MINDY4: variants seen among roughly 807,000 people sequenced by gnomAD.
MINDY4 encodes MINDY lysine 48 deubiquitinase 4.
A neutral mutation model predicts 87.0 loss-of-function variants in MINDY4; 68 were observed. The ratio of observed to expected loss-of-function variants is 0.78; its 90% confidence interval spans 0.64 to 0.96. MINDY4 has a LOEUF of 0.96. Ranked by LOEUF, MINDY4 falls within the 40% of genes least tolerant of loss-of-function variation. The pLI is 0.00. For synonymous variants in MINDY4, 379 were observed against 363.2 expected (o/e 1.04, Z -0.50); for missense variants, 919 against 928.2 (o/e 0.99, Z 0.13).
intron 1 of MINDY4, among the ~76,000 whole-genome samples, chr7:30,774,336 C>T (rs1242592204): frequency 6.6e-6 from 1 of 152,152 alleles, no homozygotes; most frequent in Non-Finnish European, 1.5e-5. Flanking sequence ...TTCTCCATAC[C>T]CCTGGTTAGG....
chr7:30,865,763 G>A (rs1373449505), intron 13 of MINDY4, among the ~76,000 whole-genome samples: 1 of 152,202 alleles, frequency 6.6e-6, no homozygotes, highest in Non-Finnish European at 1.5e-5. Flanking sequence ...TACAGGTGTG[G>A]GAACTTTGAG....
intron 1 of MINDY4, among the ~76,000 whole-genome samples, chr7:30,773,558 C>A (rs147225713): frequency 6.6e-6 from 1 of 152,100 alleles, no homozygotes; most frequent in Admixed American, 6.5e-5. Context: ...GGTCTTCCCT[C>A]GGGGGAGTCA....
chr7:30,837,222 C>T (rs1788884264), intron 7 of MINDY4, among the ~76,000 whole-genome samples: 1 of 152,168 alleles, frequency 6.6e-6, no homozygotes, highest in Non-Finnish European at 1.5e-5. Context: ...GCCCCGTGGT[C>T]ACAGGGGACC....
rs541893821 is a variant in MINDY4, at chr7:30,796,437, C to T, written c.1073+4863C>T. On this transcript the variant is annotated intron_variant, in intron 5 of 17. Transcript: ENST00000265299. ...GTCCTGGAGAAAGTGAGTATCTTCC[C>T]AGAATACAGCCTTGAAGTATGATAT... Among the ~76,000 whole-genome samples the T allele has an allele frequency of 6.6e-5, 10 of 152,230 alleles. No individual in the cohort carries two copies. In the South Asian group the frequency reaches 2.1e-3, roughly 32 times the overall value.
chr7:30,883,029 C>G (rs750269237), intron 17 of MINDY4, 36 bp downstream of exon 17: 13 of 1,603,152 alleles, frequency 8.1e-6, no homozygotes, highest in Non-Finnish European at 1.1e-5. Context: ...GAGCCTCACC[C>G]TGAATAGCTT....
At chr7:30,792,112 G>A (rs1584243428) in intron 5 of MINDY4, among the ~76,000 whole-genome samples, 1 of 152,028 alleles carries the variant, frequency 6.6e-6, no homozygotes, top group African/African-American at 2.4e-5. Flanking sequence ...GGCTCCCTTT[G>A]GGCATTATTT....
At position 30,859,291 on chromosome 7, in the gene MINDY4, C is replaced by T. The variant is rs373822614; in HGVS notation, c.1712C>T (p.Thr571Ile). 3.1e-6 allele frequency: 5 copies of T among 1,614,058 alleles called. No individual in the cohort carries two copies. The African/African-American group carries it at 6.7e-5, about 22-fold the overall frequency. The change falls in exon 13 of 18, where the codon ACC (threonine) becomes ATC (isoleucine). Residue 571 changes from threonine to isoleucine, a missense_variant. Thr to Ile is a moderately conservative substitution (Grantham distance 89). Transcript: ENST00000265299. ...GGCCCCTATGGCTGCATCCTGCTCA[C>T]CCTTTCTGCCATCCTGTCCAGGTCT... ...EVGPYGCILL[T>I]LSAILSRSTE...
At chr7:30,773,907 A>G (rs1562526505) in intron 1 of MINDY4, among the ~76,000 whole-genome samples, 1 of 151,906 alleles carries the variant, frequency 6.6e-6, no homozygotes, top group South Asian at 2.1e-4. Flanking sequence ...CATCCTTATA[A>G]TTGCACCCTC....
At chr7:30,853,343 G>A in intron 11 of MINDY4, 51 bp from the exon 12 acceptor site, 1 of 1,480,764 alleles carries the variant, frequency 6.8e-7, no homozygotes. Flanking sequence ...TTCAGGATGG[G>A]GCACTGCGTG....
intron 15 of MINDY4, among the ~76,000 whole-genome samples, chr7:30,878,919 A>G (rs1429336472): frequency 6.6e-6 from 1 of 152,224 alleles, no homozygotes; most frequent in Non-Finnish European, 1.5e-5. Flanking sequence ...AGCCACCAGC[A>G]TCGCTGATTT....
chr7:30,820,206 T>A (rs1562541912), intron 5 of MINDY4, among the ~76,000 whole-genome samples: 1 of 152,194 alleles, frequency 6.6e-6, no homozygotes, highest in Non-Finnish European at 1.5e-5. Flanking sequence ...CGGCCAATAA[T>A]TTTTAAAAGT....
chr7:30,785,226 T>C (rs559991171), intron 3 of MINDY4, among the ~76,000 whole-genome samples: 6 of 151,420 alleles, frequency 4.0e-5, no homozygotes, highest in African/African-American at 1.2e-4. Flanking sequence ...CCCCTCACCT[T>C]CTTTTGTTCT....
intron 1 of MINDY4, among the ~76,000 whole-genome samples, chr7:30,777,629 G>A (rs543637284): frequency 6.6e-6 from 1 of 152,284 alleles, no homozygotes; most frequent in South Asian, 2.1e-4. Context: ...AAGGCTCTGG[G>A]AGAGGCTGAA....
chr7:30,864,198 A>G (rs1220095931), intron 13 of MINDY4, among the ~76,000 whole-genome samples: 4 of 152,262 alleles, frequency 2.6e-5, no homozygotes, highest in Non-Finnish European at 5.9e-5. Context: ...TTAGAACAGC[A>G]CAAGCTAGGT....
chr7:30,801,182 G>A (rs1787640857), intron 5 of MINDY4, among the ~76,000 whole-genome samples: 1 of 152,196 alleles, frequency 6.6e-6, no homozygotes, highest in African/African-American at 2.4e-5. Flanking sequence ...GGCATTTGCG[G>A]TTCATTGACT....
intron 5 of MINDY4, among the ~76,000 whole-genome samples, chr7:30,826,593 T>G (rs1027633296): frequency 6.6e-6 from 1 of 152,190 alleles, no homozygotes; most frequent in Non-Finnish European, 1.5e-5. Context: ...GGTGGCCAGA[T>G]CATGGAGAGC....
chr7:30,852,047 C>CTAGT (rs945355399), intron 10 of MINDY4, among the ~76,000 whole-genome samples, 169 bp from the exon 11 acceptor site: 2 of 151,924 alleles, frequency 1.3e-5, no homozygotes, highest in Non-Finnish European at 2.9e-5. Context: ...TGGGCCCAGC[C>CTAGT]TAGTGGGTGA....
chr7:30,878,643 G>A (rs1054657359), intron 15 of MINDY4, among the ~76,000 whole-genome samples: 1 of 152,210 alleles, frequency 6.6e-6, no homozygotes, highest in Non-Finnish European at 1.5e-5. Flanking sequence ...AGTCCAGGAG[G>A]GATGGGGTGG....
intron 12 of MINDY4, among the ~76,000 whole-genome samples, chr7:30,853,912 G>C (rs1040591167): frequency 5.9e-5 from 9 of 152,236 alleles, no homozygotes; most frequent in African/African-American, 2.2e-4. Context: ...GGGCTTAGCA[G>C]TGTGATACAC....
Sources: allele counts gnomAD v4.1 joint callset (sites outside exome capture counted in the v4.1 genomes callset), GRCh38; gene constraint gnomAD v4.1.1; transcripts MANE v1.5; gene names NCBI Gene and HGNC (gene_info 2026-07-23, HGNC 2026-07-21).